The following DUSP4 variants were observed in gnomAD, a reference collection of about 807,000 sequenced individuals.
The protein encoded by DUSP4 is dual specificity phosphatase 4.
DUSP4 carries 12 observed loss-of-function variants against 27.2 expected under a neutral mutation model. The ratio of observed to expected loss-of-function variants is 0.44; its 90% CI spans 0.28 to 0.71. The LOEUF is 0.71. Among genes scored for constraint, DUSP4 ranks in the 30% least tolerant of loss-of-function variants. DUSP4 has a pLI of 0.14. For missense variants in DUSP4, 448 were observed against 551.3 expected, an observed-to-expected ratio of 0.81 and a Z score of 1.88; for synonymous variants, 257 against 245.2, an observed-to-expected ratio of 1.05 and a Z score of -0.45.
At chr8:29,342,007 AAAC>A (rs558669858) in intron 1 of DUSP4, among the ~76,000 whole-genome samples, 10 of 152,222 alleles carry the variant, frequency 6.6e-5, no homozygotes, top group Non-Finnish European at 1.2e-4. Context: ...ACACATTTTA[AAAC>A]AACATGTTAG....
chr8:29,343,730 A>T (rs1043071553), intron 1 of DUSP4, among the ~76,000 whole-genome samples: 1 of 152,266 alleles, frequency 6.6e-6, no homozygotes, highest in South Asian at 2.1e-4. Context: ...AATGGAATAC[A>T]ATAGAATAGG....
rs935177325 is a variant in DUSP4 at position 29,350,119 on chromosome 8, G to A, written c.160C>T (p.Leu54=). 4 of 1,609,292 alleles carry A rather than the reference G, an allele frequency of 2.5e-6. No individual in the cohort carries two copies. In the Admixed American group the frequency reaches 5.0e-5, roughly 20 times the overall value. The part of the protein sequence containing the change: ...KCLLLDCRPF[L]AHSAGYILGS... ...AGGATGTAGCCCGCGCTGTGCGCCA[G>A]GAACGGTCTGCAGTCCAGCAGCAGG... The change falls in exon 1 of 4, where the codon CTG becomes TTG. Residue 54 remains leucine (L), a synonymous_variant. Coordinates refer to ENST00000240100, the MANE Select transcript of DUSP4 (RefSeq NM_001394.7).
Position 29,349,689 on chromosome 8 carries a change from T to C in DUSP4, c.433+157A>G, listed in dbSNP as rs190073860. Among the ~76,000 whole-genome samples, 247 of 152,256 alleles carry C rather than the reference T, an allele frequency of 1.6e-3. 1 individual carries two copies. The highest frequency in any genetic ancestry group is 5.7e-3 in the African/African-American group (238 of 41,542). On this transcript the variant is annotated intron_variant, in intron 1 of 3. Transcript: ENST00000240100. ...TGAACCTCGCACTTGCACAGAAACC[T>C]TGCAAACCCCTACACACCAACACAC... is the stretch of plus-strand genomic sequence containing the variant.
In DUSP4 at chr8:29,349,849, T is replaced by C; in HGVS notation, c.430A>G (p.Lys144Glu). 1 of 1,493,386 alleles carries C rather than the reference T, an allele frequency of 6.7e-7. No homozygotes were observed. The highest frequency in any genetic ancestry group is 8.9e-7 in the Non-Finnish European group (1 of 1,128,462). The allele number at this position is 1,493,386 out of a possible 1,614,324, so 92.5% of individuals were successfully genotyped here. Residue 144 changes from lysine (K) to glutamate (E), a missense_variant, in exon 1 of 4, where the codon AAA becomes GAA. Around this residue, in one of 3 missense-constraint regions of DUSP4, gnomAD observed 345 missense variants for 394.0 expected, o/e 0.88. Coordinates refer to ENST00000240100, the MANE Select transcript of DUSP4 (RefSeq NM_001394.7). ...NAERTDICLL[K>E]GGYERFSSEY... is the part of the protein sequence containing the mutation. ...AGCGCCCGGAGCCCTCGTTTACCTTTGAGCAGGCAGATGTCGGTGCGCTCG... is the reference window on the plus strand; with the variant it reads ...AGCGCCCGGAGCCCTCGTTTACCTTCGAGCAGGCAGATGTCGGTGCGCTCG...
At chr8:29,347,075 G>A (rs1408611720) in intron 1 of DUSP4, among the ~76,000 whole-genome samples, 1 of 152,162 alleles carries the variant, frequency 6.6e-6, no homozygotes. Context: ...ACTCCAGTAG[G>A]AAACAAATTC....
At position 29,334,496 on chromosome 8, in the gene DUSP4, G is replaced by A. The variant is rs1262364403; in HGVS notation, c.*2530C>T. 1 of 152,256 alleles carries A rather than the reference G, an allele frequency of 6.6e-6. No individual in the cohort carries two copies. The highest frequency in any genetic ancestry group is 2.4e-5 in the African/African-American group (1 of 41,478). 9.4% of individuals were successfully genotyped at this position (152,256 alleles called of 1,614,324 possible). A position where few individuals can be genotyped will look rare whatever the true frequency, so the allele number is the denominator to read the frequency against. ...AAATAGCTGTTTTGACATTGTGATA[G>A]AAGGCTTGAATTCGGAGGAAAGATG... On this transcript the variant is annotated 3_prime_UTR_variant, in exon 4 of 4. Transcript: ENST00000240100.
intron 1 of DUSP4, 24 bp downstream of exon 1, chr8:29,349,822 C>A: frequency 6.8e-7 from 1 of 1,476,058 alleles, no homozygotes; most frequent in Admixed American, 2.3e-5. Flanking sequence ...CCGACTCCAG[C>A]TAGCGCCCGG....
chr8:29,345,368 A>T, intron 1 of DUSP4: 1 of 1,613,624 alleles, frequency 6.2e-7, no homozygotes, highest in African/African-American at 1.3e-5. Context: ...TGAACTTCTC[A>T]CCTTGAGACT....
intron 1 of DUSP4, chr8:29,348,358 G>T (rs568879656): frequency 1.0e-6 from 1 of 985,676 alleles, no homozygotes; most frequent in Non-Finnish European, 1.2e-6. Flanking sequence ...ACCTGGCCCC[G>T]CTCAGCCGCC....
At chr8:29,340,973 T>G (rs1017116890) in intron 1 of DUSP4, among the ~76,000 whole-genome samples, 4 of 151,598 alleles carry the variant, frequency 2.6e-5, no homozygotes, top group African/African-American at 9.7e-5. Flanking sequence ...TGAGCTGGGG[T>G]AGGGTGAGTG....
In DUSP4 at chr8:29,349,839, C is replaced by G. The variant is rs749232922; in HGVS notation, c.433+7G>C. ...GACTCCAGCTAGCGCCCGGAGCCCT[C>G]GTTTACCTTTGAGCAGGCAGATGTC... is the stretch of plus-strand genomic sequence containing the variant. On this transcript the variant is annotated splice_region_variant and intron_variant, in intron 1 of 3. Transcript: ENST00000240100. 3 of 1,484,202 alleles carry G rather than the reference C, an allele frequency of 2.0e-6. No individual in the cohort carries two copies. The highest frequency in any genetic ancestry group is 1.4e-5 in the South Asian group (1 of 72,042). The allele number at this position is 1,484,202 out of a possible 1,614,324, so 91.9% of individuals were successfully genotyped here.
At chr8:29,341,248 A>G (rs954550731) in intron 1 of DUSP4, among the ~76,000 whole-genome samples, 2 of 152,232 alleles carry the variant, frequency 1.3e-5, no homozygotes, top group African/African-American at 4.8e-5. Flanking sequence ...AAACCCATTC[A>G]ACTGACTCCA....
chr8:29,344,268 G>A (rs1226076873), intron 1 of DUSP4, among the ~76,000 whole-genome samples: 1 of 152,206 alleles, frequency 6.6e-6, no homozygotes, highest in Non-Finnish European at 1.5e-5. Flanking sequence ...TGAAGCAGCA[G>A]GTGCCTAAAA....
At chr8:29,346,374 T>A (rs966685016) in intron 1 of DUSP4, among the ~76,000 whole-genome samples, 1 of 152,198 alleles carries the variant, frequency 6.6e-6, no homozygotes, top group African/African-American at 2.4e-5. Flanking sequence ...AAGGTAATGT[T>A]TTTATACCTG....
chr8:29,339,647 C>T (rs956954607), intron 2 of DUSP4, among the ~76,000 whole-genome samples: 6 of 152,084 alleles, frequency 3.9e-5, no homozygotes, highest in South Asian at 2.1e-4. Flanking sequence ...ACCTAACATC[C>T]CACCCCAATA....
intron 1 of DUSP4, chr8:29,345,418 C>T: frequency 6.2e-7 from 1 of 1,614,078 alleles, no homozygotes; most frequent in Non-Finnish European, 8.5e-7. Flanking sequence ...AGCTGGCTGA[C>T]ACCTAACGCC....
chr8:29,349,732 G>A, intron 1 of DUSP4, 114 bp downstream of exon 1: 1 of 1,348,524 alleles, frequency 7.4e-7, no homozygotes, highest in Admixed American at 3.0e-5. Context: ...GGCGCGCGGG[G>A]ATCCCCGCAA....
At chr8:29,345,577 G>T in intron 1 of DUSP4, 1 of 1,518,002 alleles carries the variant, frequency 6.6e-7, no homozygotes, top group Non-Finnish European at 8.8e-7. Flanking sequence ...TAAGGAAATC[G>T]GCTCTCTGGT....
intron 2 of DUSP4, 138 bp downstream of exon 2, chr8:29,339,960 A>C (rs909139835): frequency 2.1e-4 from 243 of 1,183,866 alleles, no homozygotes; most frequent in Non-Finnish European, 2.6e-4. Context: ...TGATCACACC[A>C]CTGCACTCCT....
Sources: allele counts gnomAD v4.1 joint callset (sites outside exome capture counted in the v4.1 genomes callset), GRCh38; gene constraint gnomAD v4.1.1; regional missense constraint gnomAD v4.1.1; transcripts MANE v1.5; gene names NCBI Gene and HGNC (gene_info 2026-07-23, HGNC 2026-07-21).